MAX: variants seen among roughly 807,000 people sequenced by gnomAD.
MAX encodes the protein MYC associated transcriptional regulator X.
In MAX, 3 loss-of-function variants were observed where a neutral mutation model predicts 22.3. The ratio of observed to expected loss-of-function variants is 0.13; its 90% CI spans 0.06 to 0.35. The LOEUF (loss-of-function observed/expected upper bound fraction) is 0.35, where lower values mean the gene tolerates loss of function less well. MAX is among the 10% of genes least tolerant of loss of function. The pLI is 1.00. For missense variants in MAX, 119 were observed against 209.4 expected, an observed-to-expected ratio of 0.57 and a Z score of 2.66; for synonymous variants, 72 against 77.7, an observed-to-expected ratio of 0.93 and a Z score of 0.39.
chr14:65,048,197 G>A (rs544030696), intron 3 of MAX, among the ~76,000 whole-genome samples: 6 of 151,596 alleles, frequency 4.0e-5, no homozygotes, highest in Admixed American at 3.3e-4. Context: ...TGGCCTGGCT[G>A]GTCTCAAACT....
chr14:65,076,978 A>G lies in MAX; in HGVS notation c.296-315T>C. ...GGAGCGTGAGCTCCCTGTGGGATTC[A>G]GCAGTGCAATAACAGAGGAGAAGCT... On this transcript the variant is annotated intron_variant, in intron 4 of 4. Transcript: ENST00000358664. This position sits in a 1 kb window ranked among gnomAD's most constrained non-coding sequence, Gnocchi z 6.6. 1 of 552,128 alleles carries G rather than the reference A, an allele frequency of 1.8e-6. No individual in the cohort carries two copies. Among genetic ancestry groups the G allele is most frequent in the Non-Finnish European group, 3.2e-6 (1 of 308,656 alleles). The allele number at this position is 552,128 out of a possible 1,614,324, so 34.2% of individuals were successfully genotyped here. A position where few individuals can be genotyped will look rare whatever the true frequency, so the allele number is the denominator to read the frequency against.
chr14:65,053,636 A>AAAAAAAAAAAAAAC (rs2062663949), intron 3 of MAX, among the ~76,000 whole-genome samples: 2 of 148,704 alleles, frequency 1.3e-5, no homozygotes, highest in African/African-American at 4.9e-5. Context: ...TAAAAAAAAC[A>AAAAAAAAAAAAAAC]AAAAAAAACT....
rs375609978 is a variant in MAX at position 65,069,665 on chromosome 14, T to G, written c.171+24043A>C. Among the ~76,000 whole-genome samples, 1 of 152,162 alleles carries G rather than the reference T, an allele frequency of 6.6e-6. No individual in the cohort carries two copies. Among genetic ancestry groups the G allele is most frequent in the Non-Finnish European group, 1.5e-5 (1 of 68,026 alleles). ...GCTGGAGTCCACTGGCACACGCACA[T>G]ATGCATGCAGCATTTGTAGAGTACC... On this transcript the variant is annotated intron_variant, in intron 3 of 3. Coordinates refer to the MAX transcript ENST00000341653. This position sits in a 1 kb window ranked among gnomAD's most constrained non-coding sequence, Gnocchi z 4.6.
rs555563800 is a variant in MAX at position 65,100,482 on chromosome 14, G to A, written c.63+1064C>T. Among the ~76,000 whole-genome samples the A allele has an allele frequency of 2.6e-3, 395 of 152,132 alleles. 3 individuals carry two copies. Among genetic ancestry groups the A allele is most frequent in the African/African-American group, 8.8e-3 (367 of 41,510 alleles). On this transcript the variant is annotated intron_variant, in intron 2 of 4. Transcript: ENST00000358664. ...ATAAATAAAATAAAATTAAAAATAG[G>A]AAGATCTGGCAATACTGACCCTTCA...
chr14:65,061,570 CAGGAGGAAG>C, intron 3 of MAX: 2 of 404,698 alleles, frequency 4.9e-6, no homozygotes, highest in South Asian at 3.2e-5. Context: ...CAGTGCATGC[CAGGAGGAAG>C]CAGTCCCTCC....
rs2062674120 is a variant in MAX at position 65,054,067 on chromosome 14, A to T, written c.171+39641T>A. On this transcript the variant is annotated intron_variant, in intron 3 of 3. Transcript: ENST00000341653. This position sits in a 1 kb window ranked among gnomAD's most constrained non-coding sequence, Gnocchi z 4.4. ...AAAAAAGAAAGAAAAGAAAAAAAATACAGTTCCCACTGCTGGGCAGGGCTG... is the reference window on the plus strand; with the variant it reads ...AAAAAAGAAAGAAAAGAAAAAAAATTCAGTTCCCACTGCTGGGCAGGGCTG... Among the ~76,000 whole-genome samples, 1 of 152,134 alleles carries T rather than the reference A, an allele frequency of 6.6e-6. No homozygotes were observed. Among genetic ancestry groups the T allele is most frequent in the Non-Finnish European group, 1.5e-5 (1 of 68,026 alleles).
chr14:65,022,016 T>C (rs1403510493), intron 3 of MAX: 9 of 455,902 alleles, frequency 2.0e-5, no homozygotes, highest in South Asian at 7.7e-5. Flanking sequence ...CGGTGCTTGA[T>C]GAAGAGTCAA....
At position 65,007,991 on chromosome 14, in the gene MAX, G is replaced by A. The variant is rs1281941408; in HGVS notation, c.172-1707C>T. 6.6e-6 allele frequency among the ~76,000 whole-genome samples: 1 copy of A among 152,152 alleles called. No homozygotes were observed. The highest frequency in any genetic ancestry group is 1.5e-5 in the Non-Finnish European group (1 of 68,028). On this transcript the variant is annotated intron_variant, in intron 3 of 3. Coordinates refer to the MAX transcript ENST00000341653. This position sits in a 1 kb window ranked among gnomAD's most constrained non-coding sequence, Gnocchi z 4.9. ...AGTCCTCAAAGCAGGTCTCTCACAG[G>A]CACCAGCTTAGCTCCCGTGTTTTCT... is the stretch of plus-strand genomic sequence containing the variant.
intron 3 of MAX, among the ~76,000 whole-genome samples, chr14:65,037,522 C>G (rs924732922): frequency 7.3e-6 from 1 of 136,164 alleles, no homozygotes; most frequent in Admixed American, 7.9e-5. Context: ...GTTGCCTCGA[C>G]TTTCCAGGCT....
chr14:65,048,606 A>C (rs906849227), intron 3 of MAX, among the ~76,000 whole-genome samples: 2 of 152,222 alleles, frequency 1.3e-5, no homozygotes, highest in Non-Finnish European at 2.9e-5. Flanking sequence ...TAATCCCAGC[A>C]CTTTGGGAGG....
intron 3 of MAX, among the ~76,000 whole-genome samples, chr14:65,064,583 C>T (rs755395780): frequency 2.3e-4 from 35 of 152,180 alleles, no homozygotes; most frequent in Admixed American, 3.3e-4. Flanking sequence ...TTCCTTCCAG[C>T]GAGTATCATT....
rs934559425 is a variant in MAX at position 65,060,501 on chromosome 14, C to T, written c.171+33207G>A. On this transcript the variant is annotated intron_variant, in intron 3 of 3. Transcript: ENST00000341653. ...CACGAGGTCAGGAGATCGAGACCAT[C>T]CCGGCTAAAACGGTGAAACCCCGTC... 9.4e-5 allele frequency among the ~76,000 whole-genome samples: 12 copies of T among 127,268 alleles called. 2 individuals are homozygous for T. Among genetic ancestry groups the T allele is most frequent in the African/African-American group, 2.6e-4 (6 of 22,674 alleles). The allele number at this position is 127,268 out of a possible 152,430, so 83.5% of individuals were successfully genotyped here. A position where few individuals can be genotyped will look rare whatever the true frequency, so the allele number is the denominator to read the frequency against.
At chr14:65,040,046 C>T (rs138323271) in intron 3 of MAX, among the ~76,000 whole-genome samples, 17 of 151,974 alleles carry the variant, frequency 1.1e-4, no homozygotes, top group Admixed American at 7.9e-4. Context: ...AAAAATGGTC[C>T]GGGTATGGTG....
chr14:65,086,083 A>G (rs1415036624), intron 3 of MAX, among the ~76,000 whole-genome samples: 1 of 152,186 alleles, frequency 6.6e-6, no homozygotes, highest in African/African-American at 2.4e-5. Flanking sequence ...TTCCCTGCAC[A>G]AGTTCTCTTC....
At chr14:65,039,517 T>C (rs2062295448) in intron 3 of MAX, among the ~76,000 whole-genome samples, 1 of 152,214 alleles carries the variant, frequency 6.6e-6, no homozygotes, top group African/African-American at 2.4e-5. Context: ...CATTCCACTT[T>C]GTGGAGGTTC....
rs866159933 is a variant in MAX at position 65,069,791 on chromosome 14, C to T, written c.171+23917G>A. On this transcript the variant is annotated intron_variant, in intron 3 of 3. Coordinates refer to the MAX transcript ENST00000341653. The surrounding 1 kb of genome is among the most constrained non-coding windows in gnomAD (Gnocchi z 4.6). ...AGTTGGAAATACTTGCTCACCACCA[C>T]TCTCTGCACAGAGGTCCCTGGATGG... 1.8e-4 allele frequency among the ~76,000 whole-genome samples: 28 copies of T among 152,254 alleles called. No homozygotes were observed. The highest frequency in any genetic ancestry group is 5.9e-5 in the Non-Finnish European group (4 of 68,044).
Position 65,076,111 on chromosome 14 carries a change from G to A in MAX, c.*365C>T. 1 of 1,283,930 alleles carries A rather than the reference G, an allele frequency of 7.8e-7. No homozygotes were observed. The highest frequency in any genetic ancestry group is 2.0e-5 in the South Asian group (1 of 50,922). 79.5% of individuals were successfully genotyped at this position (1,283,930 alleles called of 1,614,324 possible). A position where few individuals can be genotyped will look rare whatever the true frequency, so the allele number is the denominator to read the frequency against. On this transcript the variant is annotated 3_prime_UTR_variant, in exon 5 of 5. Transcript: ENST00000358664. The surrounding 1 kb of genome is among the most constrained non-coding windows in gnomAD (Gnocchi z 6.6). ...CCTGGGCAGGGCAGGCGTCCCCCGG[G>A]CATGTGCCCGGCAGGGCTGGAGGAG...
chr14:65,079,690 A>G lies in MAX; in HGVS notation c.172-1654T>C, dbSNP rs542249851. ...AACAACCAGAACACAACAGCGGGAGAAAGACAAAGAAAACATGTACACCGT... is the reference window on the plus strand; with the variant it reads ...AACAACCAGAACACAACAGCGGGAGGAAGACAAAGAAAACATGTACACCGT... On this transcript the variant is annotated intron_variant, in intron 3 of 4. Coordinates refer to ENST00000358664, the MANE Select transcript of MAX (RefSeq NM_002382.5). This position sits in a 1 kb window ranked among gnomAD's most constrained non-coding sequence, Gnocchi z 4.5. Among the ~76,000 whole-genome samples, 23 of 152,316 alleles carry G rather than the reference A, an allele frequency of 1.5e-4. No individual in the cohort carries two copies. The East Asian group carries it at 1.7e-3, about 11-fold the overall frequency.
chr14:65,055,107 C>T (rs763414396), intron 3 of MAX, among the ~76,000 whole-genome samples: 26 of 152,254 alleles, frequency 1.7e-4, no homozygotes, highest in Admixed American at 6.5e-4. Flanking sequence ...GCCATCTCTT[C>T]AGAGAATGAG....
Sources: allele counts gnomAD v4.1 joint callset (sites outside exome capture counted in the v4.1 genomes callset), GRCh38; gene constraint gnomAD v4.1.1; non-coding constraint Gnocchi (gnomAD v3.1); transcripts MANE v1.5; gene names NCBI Gene and HGNC (gene_info 2026-07-23, HGNC 2026-07-21).